The following GOPC variants were observed in gnomAD, a reference collection of about 807,000 sequenced individuals.
The protein encoded by GOPC is Golgi-associated PDZ and coiled-coil motif-containing protein.
In GOPC, 32 loss-of-function variants were observed where a neutral mutation model predicts 51.2. The ratio of observed to expected loss-of-function variants is 0.63; its 90% CI spans 0.47 to 0.84. GOPC has a LOEUF of 0.84. GOPC is among the 40% of genes least tolerant of loss of function. The pLI, the probability that GOPC is intolerant of heterozygous loss-of-function variation, is 0.00. For synonymous variants in GOPC, 190 were observed against 205.1 expected (o/e 0.93, Z 0.63); for missense variants, 441 against 555.5 (o/e 0.79, Z 2.07).
At chr6:117,589,674 G>A (rs187504135) in intron 1 of GOPC, among the ~76,000 whole-genome samples, 48 of 152,224 alleles carry the variant, frequency 3.2e-4, no homozygotes, top group Admixed American at 9.2e-4. Flanking sequence ...CAACATGAAT[G>A]AACTGAGTTG....
At chr6:117,597,341 T>C (rs1780211729) in intron 1 of GOPC, among the ~76,000 whole-genome samples, 2 of 152,218 alleles carry the variant, frequency 1.3e-5, no homozygotes, top group South Asian at 2.1e-4. Context: ...ACAGCAACAG[T>C]CTGACTTCCT....
In GOPC at chr6:117,566,896, C is replaced by T. The variant is rs1270130571; in HGVS notation, c.1216G>A (p.Ala406Thr). The T allele has an allele frequency of 6.2e-7, 1 of 1,604,428 alleles. No homozygotes were observed. Among genetic ancestry groups the T allele is most frequent in the Admixed American group, 1.7e-5 (1 of 58,224 alleles). ...DELEGGGNPGASCKDTSGEIK... is the reference protein window; with the variant it reads ...DELEGGGNPGTSCKDTSGEIK... Reference sequence around the variant, plus strand: ...TCCCCACTTGTGTCTTTGCAACTAGCACCAGGGTTACCACCTCCTTCTAAC... The same window carrying T: ...TCCCCACTTGTGTCTTTGCAACTAGTACCAGGGTTACCACCTCCTTCTAAC... Residue 406 changes from alanine to threonine, a missense_variant, in exon 8 of 9, where the codon GCT becomes ACT. Transcript: ENST00000368498.
intron 1 of GOPC, among the ~76,000 whole-genome samples, chr6:117,591,995 C>G (rs1201951351): frequency 1.3e-5 from 2 of 152,140 alleles, no homozygotes; most frequent in Non-Finnish European, 2.9e-5. Flanking sequence ...CATTATCTTT[C>G]CCAGACCTGC....
Position 117,560,910 on chromosome 6 carries a change from A to T in GOPC, c.*2344T>A, listed in dbSNP as rs1583045011. The T allele has an allele frequency of 2.4e-5, 5 of 212,434 alleles. No individual in the cohort carries two copies. The East Asian group carries it at 3.5e-4, about 15-fold the overall frequency. 13.2% of individuals were successfully genotyped at this position (212,434 alleles called of 1,614,324 possible). A position where few individuals can be genotyped will look rare whatever the true frequency, so the allele number is the denominator to read the frequency against. ...GTTTTGTCCTAGAAGTTTCAGGGAC[A>T]TATGAATTTCTTTCCTATAAATGTG... On this transcript the variant is annotated 3_prime_UTR_variant, in exon 9 of 9. Transcript: ENST00000368498.
At chr6:117,600,732 T>C (rs537385068) in intron 1 of GOPC, among the ~76,000 whole-genome samples, 10 of 152,292 alleles carry the variant, frequency 6.6e-5, no homozygotes, top group African/African-American at 2.4e-4. Context: ...CTGAGAAAAA[T>C]AGCTTTCTTG....
chr6:117,590,889 G>A (rs113990515), intron 1 of GOPC, among the ~76,000 whole-genome samples: 16,048 of 152,154 alleles, frequency 0.11, 920 homozygotes, highest in Middle Eastern at 0.14. Context: ...GTCTCACGCC[G>A]TTGCCCAGGC....
intron 8 of GOPC, among the ~76,000 whole-genome samples, chr6:117,565,513 C>A (rs937127783): frequency 2.0e-5 from 3 of 152,148 alleles, no homozygotes; most frequent in African/African-American, 7.2e-5. Context: ...TTTATAACTT[C>A]ATTTACTGGT....
At chr6:117,581,908 G>A (rs1262070615) in intron 1 of GOPC, among the ~76,000 whole-genome samples, 2 of 152,056 alleles carry the variant, frequency 1.3e-5, no homozygotes, top group Non-Finnish European at 2.9e-5. Flanking sequence ...GAGTATGTAC[G>A]TTAGACTTCA....
At chr6:117,587,933 G>C (rs545209391) in intron 1 of GOPC, among the ~76,000 whole-genome samples, 1 of 152,120 alleles carries the variant, frequency 6.6e-6, no homozygotes, top group South Asian at 2.1e-4. Context: ...GGCTGCAGTG[G>C]CATGATCACA....
chr6:117,593,526 C>T (rs1038507239), intron 1 of GOPC, among the ~76,000 whole-genome samples: 2 of 152,192 alleles, frequency 1.3e-5, no homozygotes, highest in African/African-American at 4.8e-5. Context: ...GTCTGCTTCT[C>T]TCTCCACCTC....
chr6:117,560,802 G>A lies in GOPC; in HGVS notation c.*2452C>T, dbSNP rs1032167110. The stretch of plus-strand genomic sequence containing the variant: ...ATTAAAACGTTTTCTCAACCATTCT[G>A]TTTGTGTATACATGTGTGTATTTCT... On this transcript the variant is annotated 3_prime_UTR_variant, in exon 9 of 9. Transcript: ENST00000368498. The A allele has an allele frequency of 9.4e-6, 2 of 213,454 alleles. No individual in the cohort carries two copies. Among genetic ancestry groups the A allele is most frequent in the East Asian group, 7.0e-5 (1 of 14,366 alleles). 13.2% of individuals were successfully genotyped at this position (213,454 alleles called of 1,614,324 possible). A position where few individuals can be genotyped will look rare whatever the true frequency, so the allele number is the denominator to read the frequency against.
At chr6:117,599,369 T>C (rs1771952744) in intron 1 of GOPC, among the ~76,000 whole-genome samples, 1 of 152,192 alleles carries the variant, frequency 6.6e-6, no homozygotes, top group Non-Finnish European at 1.5e-5. Flanking sequence ...ATATGGAAAT[T>C]GTTTCAAGCT....
chr6:117,589,612 G>A (rs772868883), intron 1 of GOPC, among the ~76,000 whole-genome samples: 1 of 151,808 alleles, frequency 6.6e-6, no homozygotes, highest in South Asian at 2.1e-4. Context: ...GAGCCACTGC[G>A]CCCAGCCCTA....
chr6:117,599,983 G>A (rs1771966246), intron 1 of GOPC, among the ~76,000 whole-genome samples: 1 of 152,160 alleles, frequency 6.6e-6, no homozygotes, highest in Non-Finnish European at 1.5e-5. Context: ...AGTTGATACT[G>A]CAGTTGTAAA....
In GOPC at chr6:117,573,374, A is replaced by G. The variant is rs547525551; in HGVS notation, c.816+93T>C. 73 of 1,376,952 alleles carry G rather than the reference A, an allele frequency of 5.3e-5. No individual in the cohort carries two copies. The South Asian group carries it at 1.1e-3, about 20-fold the overall frequency. 85.3% of individuals were successfully genotyped at this position (1,376,952 alleles called of 1,614,324 possible). A position where few individuals can be genotyped will look rare whatever the true frequency, so the allele number is the denominator to read the frequency against. On this transcript the variant is annotated intron_variant, in intron 5 of 8. Coordinates refer to ENST00000368498, the MANE Select transcript of GOPC (RefSeq NM_020399.4). The stretch of plus-strand genomic sequence containing the variant: ...TTTTCACTTTTAAATAAAGGTTTCA[A>G]ACAATACTAGAATAAAGGAAAGAAT...
Position 117,602,325 on chromosome 6 carries a change from C to A in GOPC, c.-37G>T. ...GGGCCTCTCCCGACTGCTGAAGACC[C>A]TCGCCGCCCCCCGCGCACGAAGGGA... On this transcript the variant is annotated 5_prime_UTR_variant, in exon 1 of 9. It adds an upstream start codon to the 5' untranslated region. Transcript: ENST00000368498. The A allele has an allele frequency of 1.3e-6, 2 of 1,523,938 alleles. No homozygotes were observed. The highest frequency in any genetic ancestry group is 1.2e-5 in the South Asian group (1 of 82,598). 94.4% of individuals were successfully genotyped at this position (1,523,938 alleles called of 1,614,324 possible). A position where few individuals can be genotyped will look rare whatever the true frequency, so the allele number is the denominator to read the frequency against.
At chr6:117,567,161 A>T in intron 7 of GOPC, 127 bp from the exon 8 acceptor site, 1 of 596,560 alleles carries the variant, frequency 1.7e-6, no homozygotes, top group East Asian at 3.0e-5. Flanking sequence ...CCAGAAAATA[A>T]ATAATAAAAT....
chr6:117,575,610 T>C (rs914112786), intron 3 of GOPC: 5 of 634,540 alleles, frequency 7.9e-6, no homozygotes, highest in African/African-American at 5.4e-5. Context: ...GCTCATGTTA[T>C]CACATATTAG....
intron 6 of GOPC, among the ~76,000 whole-genome samples, chr6:117,570,604 A>G (rs1205129851): frequency 2.6e-5 from 4 of 152,064 alleles, no homozygotes; most frequent in Non-Finnish European, 5.9e-5. Flanking sequence ...GCATCACAGT[A>G]TATGGCACAG....
Sources: allele counts gnomAD v4.1 joint callset (sites outside exome capture counted in the v4.1 genomes callset), GRCh38; gene constraint gnomAD v4.1.1; transcripts MANE v1.5; gene names NCBI Gene and HGNC (gene_info 2026-07-23, HGNC 2026-07-21).